The following BOC variants were observed in gnomAD, a reference collection of about 807,000 sequenced individuals.
The protein encoded by BOC is brother of CDO.
In BOC, 76 loss-of-function variants were observed where a neutral mutation model predicts 112.0. The observed-to-expected ratio is 0.68, with a 90% CI of 0.56 to 0.82. The LOEUF (loss-of-function observed/expected upper bound fraction) is 0.82. Ranked by LOEUF, BOC falls within the 40% of genes least tolerant of loss-of-function variation. The pLI, the probability that BOC is intolerant of heterozygous loss-of-function variation, is 0.00. For missense variants in BOC, 1,309 were observed against 1,511.7 expected, an observed-to-expected ratio of 0.87 and a Z score of 2.22; for synonymous variants, 580 against 599.8, an observed-to-expected ratio of 0.97 and a Z score of 0.48.
chr3:113,284,952 G>A (rs1949531117), intron 18 of BOC, 94 bp downstream of exon 18: 1 of 1,153,308 alleles, frequency 8.7e-7, no homozygotes, highest in Non-Finnish European at 1.3e-6. Context: ...GAGCCAAGCA[G>A]TAGTGCTGTA....
chr3:113,220,954 T>A (rs1011019389), intron 2 of BOC, among the ~76,000 whole-genome samples: 18 of 151,928 alleles, frequency 1.2e-4, no homozygotes, highest in Admixed American at 8.5e-4. Flanking sequence ...AAGGGTGGAG[T>A]GCTGGGAAAG....
At chr3:113,280,876 A>G (rs1949127741) in intron 14 of BOC, among the ~76,000 whole-genome samples, 155 bp from the exon 15 acceptor site, 1 of 152,182 alleles carries the variant, frequency 6.6e-6, no homozygotes, top group Non-Finnish European at 1.5e-5. Context: ...GTGGACACCT[A>G]GAACATTTCC....
intron 9 of BOC, among the ~76,000 whole-genome samples, chr3:113,277,694 T>C (rs3856719): frequency 0.21 from 31,567 of 152,210 alleles, 3,882 homozygotes; most frequent in East Asian, 0.44. Flanking sequence ...ACCTTTCTCA[T>C]CATTGTGTCT....
At chr3:113,244,429 T>TA (rs1292526770) in intron 2 of BOC, among the ~76,000 whole-genome samples, 18 of 152,354 alleles carry the variant, frequency 1.2e-4, no homozygotes, top group Middle Eastern at 3.4e-3. Context: ...GACTTATACT[T>TA]AAAAACATCA....
intron 14 of BOC, 149 bp from the exon 15 acceptor site, chr3:113,280,882 T>C (rs542554313): frequency 1.1e-4 from 122 of 1,125,484 alleles, no homozygotes; most frequent in Non-Finnish European, 1.6e-4. Flanking sequence ...ACCTAGAACA[T>C]TTCCTCCAGC....
chr3:113,221,856 C>T (rs13062415), intron 2 of BOC, among the ~76,000 whole-genome samples: 33,406 of 152,062 alleles, frequency 0.22, 4,205 homozygotes, highest in Middle Eastern at 0.31. Flanking sequence ...TCACCTCACC[C>T]CTTCCCTCTG....
intron 16 of BOC, 94 bp from the exon 17 acceptor site, chr3:113,284,241 G>C (rs546290587): frequency 2.9e-6 from 3 of 1,047,782 alleles, no homozygotes; most frequent in South Asian, 2.7e-5. Context: ...TCAACCCTCT[G>C]TGGCCAGGAG....
At chr3:113,218,540 G>A (rs1939935571) in intron 2 of BOC, among the ~76,000 whole-genome samples, 1 of 152,186 alleles carries the variant, frequency 6.6e-6, no homozygotes, top group African/African-American at 2.4e-5. Context: ...AGTCAACACA[G>A]TGCCCTCTTT....
chr3:113,270,668 A>C (rs1576469219), intron 5 of BOC, 133 bp from the exon 6 acceptor site: 1 of 973,470 alleles, frequency 1.0e-6, no homozygotes, highest in South Asian at 1.6e-5. Context: ...TCTTGTGGGG[A>C]CTCAGGTGGA....
intron 17 of BOC, 42 bp downstream of exon 17, chr3:113,284,609 A>T: frequency 6.3e-7 from 1 of 1,584,786 alleles, no homozygotes; most frequent in Non-Finnish European, 8.6e-7. Flanking sequence ...TGGGACACCC[A>T]GGAGGGAGTG....
Position 113,249,982 on chromosome 3 carries a change from T to C in BOC, c.97+83T>C. The C allele has an allele frequency of 4.2e-6, 5 of 1,191,558 alleles. No homozygotes were observed. In the South Asian group the frequency reaches 6.7e-5, roughly 16 times the overall value. The allele number at this position is 1,191,558 out of a possible 1,614,324, so 73.8% of individuals were successfully genotyped here. A position where few individuals can be genotyped will look rare whatever the true frequency, so the allele number is the denominator to read the frequency against. ...CTACAATAACTCTTTAAAAAGGCCT[T>C]CTTTACCTGGATTTCAAAGAACACT... On this transcript the variant is annotated intron_variant, in intron 3 of 19. Coordinates refer to ENST00000682979, the MANE Select transcript of BOC (RefSeq NM_001378074.1).
chr3:113,235,890 G>A (rs989398346), intron 2 of BOC, among the ~76,000 whole-genome samples: 1 of 152,176 alleles, frequency 6.6e-6, no homozygotes, highest in African/African-American at 2.4e-5. Flanking sequence ...GAAATCATGT[G>A]TGTCTAGAGT....
At chr3:113,276,900 T>C (rs1266769476) in intron 9 of BOC, among the ~76,000 whole-genome samples, 1 of 152,196 alleles carries the variant, frequency 6.6e-6, no homozygotes. Flanking sequence ...GTTTTCTTCC[T>C]TCAGCAAACC....
At chr3:113,255,116 A>C (rs1437713248) in intron 4 of BOC, among the ~76,000 whole-genome samples, 2 of 152,168 alleles carry the variant, frequency 1.3e-5, no homozygotes, top group African/African-American at 2.4e-5. Flanking sequence ...TTAAAAAAAA[A>C]AGAAAAACTT....
At chr3:113,284,039 A>G (rs1949444431) in intron 16 of BOC, among the ~76,000 whole-genome samples, 1 of 152,016 alleles carries the variant, frequency 6.6e-6, no homozygotes, top group Non-Finnish European at 1.5e-5. Flanking sequence ...ACATCTGGTC[A>G]GCTTACCTCC....
At chr3:113,245,946 A>T (rs1944874666) in intron 2 of BOC, among the ~76,000 whole-genome samples, 1 of 152,162 alleles carries the variant, frequency 6.6e-6, no homozygotes, top group African/African-American at 2.4e-5. Context: ...CTCACTCTTG[A>T]TCCAGTTAGT....
chr3:113,224,582 T>C (rs1368593109), intron 2 of BOC, among the ~76,000 whole-genome samples: 1 of 150,450 alleles, frequency 6.6e-6, no homozygotes, highest in Non-Finnish European at 1.5e-5. Flanking sequence ...GGGTGGGGGG[T>C]CACGTGGACC....
rs1020347572 is a variant in BOC at position 113,211,585 on chromosome 3, A to T, written c.-601A>T. The stretch of plus-strand genomic sequence containing the variant: ...CATCCAAAAAGCTTCTTCCATATGG[A>T]GGGACCGGGTGCGCTGGGCGCGGCG... On this transcript the variant is annotated 5_prime_UTR_variant, in exon 1 of 20. Coordinates refer to ENST00000682979, the MANE Select transcript of BOC (RefSeq NM_001378074.1). 2 of 152,146 alleles carry T rather than the reference A, an allele frequency of 1.3e-5. No individual in the cohort carries two copies. Among genetic ancestry groups the T allele is most frequent in the Non-Finnish European group, 2.9e-5 (2 of 68,056 alleles). The allele number at this position is 152,146 out of a possible 1,614,324, so 9.4% of individuals were successfully genotyped here.
intron 2 of BOC, among the ~76,000 whole-genome samples, chr3:113,239,814 T>A (rs1576379116): frequency 6.6e-6 from 1 of 152,168 alleles, no homozygotes; most frequent in Non-Finnish European, 1.5e-5. Flanking sequence ...CTGCTTGCCC[T>A]TGTGTGGAGC....
Sources: allele counts gnomAD v4.1 joint callset (sites outside exome capture counted in the v4.1 genomes callset), GRCh38; gene constraint gnomAD v4.1.1; transcripts MANE v1.5; gene names NCBI Gene and HGNC (gene_info 2026-07-23, HGNC 2026-07-21).